Variants in RBM26 observed in about 807,000 individuals in gnomAD.
RBM26 encodes RNA binding motif protein 26.
In RBM26, 30 loss-of-function variants were observed where a neutral mutation model predicts 123.6. The observed-to-expected ratio is 0.24, with a 90% CI of 0.18 to 0.33. The LOEUF is 0.33. Ranked by LOEUF, RBM26 falls within the 10% of genes least tolerant of loss-of-function variation. The pLI is 1.00. For synonymous variants in RBM26, 400 were observed against 404.4 expected (o/e 0.99, Z 0.13); for missense variants, 947 against 1,203.6 (o/e 0.79, Z 3.15).
At chr13:79,337,722 T>C (rs1049318202) in intron 18 of RBM26, among the ~76,000 whole-genome samples, 5 of 152,352 alleles carry the variant, frequency 3.3e-5, no homozygotes, top group Admixed American at 2.0e-4. Context: ...TTGACTTCAA[T>C]AGGTACAGTT....
intron 20 of RBM26, among the ~76,000 whole-genome samples, chr13:79,332,035 T>C (rs1278457478): frequency 6.6e-6 from 1 of 152,242 alleles, no homozygotes; most frequent in East Asian, 1.9e-4. Flanking sequence ...TTTTCAGTTA[T>C]ATCTGAATGT....
intron 1 of RBM26, among the ~76,000 whole-genome samples, chr13:79,391,304 A>G (rs1158409403): frequency 2.6e-5 from 4 of 152,222 alleles, no homozygotes; most frequent in Admixed American, 1.3e-4. Context: ...TTTCGCTATA[A>G]TATCACTGGC....
At position 79,365,810 on chromosome 13, in the gene RBM26, CAT is replaced by C. The variant is rs1473133576; in HGVS notation, c.1277-94_1277-93del. 2.0e-5 allele frequency: 23 copies of C among 1,144,856 alleles called. No individual in the cohort carries two copies. In the African/African-American group the frequency reaches 2.0e-4, roughly 10 times the overall value. 70.9% of individuals were successfully genotyped at this position (1,144,856 alleles called of 1,614,324 possible). A position where few individuals can be genotyped will look rare whatever the true frequency, so the allele number is the denominator to read the frequency against. Reference sequence around the variant, plus strand: ...ATAAGAGAAAAAGTAAACAATATAACATATTAACATATAACATGCTCTATATG... The same window carrying C: ...ATAAGAGAAAAAGTAAACAATATAACATTAACATATAACATGCTCTATATG... On this transcript the variant is annotated intron_variant, in intron 8 of 21. Coordinates refer to ENST00000438737, the MANE Select transcript of RBM26 (RefSeq NM_001366735.2).
At chr13:79,355,157 G>T in intron 12 of RBM26, 63 bp downstream of exon 12, 1 of 1,484,600 alleles carries the variant, frequency 6.7e-7, no homozygotes, top group Non-Finnish European at 9.3e-7. Flanking sequence ...GCCTCTACTC[G>T]TAAACGCTAT....
intron 3 of RBM26, among the ~76,000 whole-genome samples, chr13:79,374,142 C>T (rs2076425694): frequency 6.6e-6 from 1 of 151,998 alleles, no homozygotes; most frequent in South Asian, 2.1e-4. Flanking sequence ...GCTGTTCCAG[C>T]ATCCTTTTGA....
intron 5 of RBM26, among the ~76,000 whole-genome samples, chr13:79,369,529 C>T (rs1161460721): frequency 6.6e-6 from 1 of 152,004 alleles, no homozygotes; most frequent in Non-Finnish European, 1.5e-5. Context: ...TCCATGAAGC[C>T]TTGTATACCT....
intron 14 of RBM26, among the ~76,000 whole-genome samples, chr13:79,352,309 C>G (rs1298057625): frequency 2.0e-5 from 3 of 152,150 alleles, no homozygotes; most frequent in Non-Finnish European, 4.4e-5. Context: ...CTAGTTCTGG[C>G]TCAGTGACTC....
chr13:79,347,598 C>A (rs1410336), intron 14 of RBM26, among the ~76,000 whole-genome samples: 4 of 151,900 alleles, frequency 2.6e-5, no homozygotes, highest in Non-Finnish European at 1.5e-5. Context: ...TTTCTATATT[C>A]CAAATGCATT....
chr13:79,370,572 C>T (rs2140015794), intron 5 of RBM26, among the ~76,000 whole-genome samples: 1 of 152,302 alleles, frequency 6.6e-6, no homozygotes, highest in Non-Finnish European at 1.5e-5. Context: ...CCTGTGTGGA[C>T]ATACACTTTC....
chr13:79,330,287 G>T (rs550494945), intron 20 of RBM26, among the ~76,000 whole-genome samples: 2 of 152,196 alleles, frequency 1.3e-5, no homozygotes, highest in East Asian at 3.9e-4. Flanking sequence ...AAAGGTTAAA[G>T]ATCTAACAAA....
chr13:79,393,802 C>T (rs566131660), intron 1 of RBM26, among the ~76,000 whole-genome samples: 3 of 152,244 alleles, frequency 2.0e-5, no homozygotes, highest in East Asian at 1.9e-4. Context: ...AGGAGGCTCA[C>T]GAGAATGATA....
chr13:79,332,560 T>G (rs986445696), intron 20 of RBM26, among the ~76,000 whole-genome samples: 1 of 152,148 alleles, frequency 6.6e-6, no homozygotes, highest in Non-Finnish European at 1.5e-5. Context: ...TAACTAAAAA[T>G]CTAAACATTT....
chr13:79,405,091 G>C (rs2079409927), intron 1 of RBM26, among the ~76,000 whole-genome samples: 1 of 152,140 alleles, frequency 6.6e-6, no homozygotes, highest in African/African-American at 2.4e-5. Flanking sequence ...TCTATCTATA[G>C]CATCCCACTT....
chr13:79,320,777 A>C lies in RBM26; in HGVS notation c.2935-67T>G, dbSNP rs2067577864. ...AAAAAGAAAAGAAAAAAAAGGTGACACTTTTAAATACTCATCTCTCTCAAC... is the reference window on the plus strand; with the variant it reads ...AAAAAGAAAAGAAAAAAAAGGTGACCCTTTTAAATACTCATCTCTCTCAAC... On this transcript the variant is annotated intron_variant, in intron 21 of 21. Coordinates refer to ENST00000438737, the MANE Select transcript of RBM26 (RefSeq NM_001366735.2). 5 of 1,342,372 alleles carry C rather than the reference A, an allele frequency of 3.7e-6. No homozygotes were observed. The South Asian group carries it at 7.6e-5, about 20-fold the overall frequency. 83.2% of individuals were successfully genotyped at this position (1,342,372 alleles called of 1,614,324 possible). A position where few individuals can be genotyped will look rare whatever the true frequency, so the allele number is the denominator to read the frequency against.
intron 1 of RBM26, among the ~76,000 whole-genome samples, chr13:79,397,959 C>G (rs1464175746): frequency 6.6e-6 from 1 of 152,036 alleles, no homozygotes; most frequent in Non-Finnish European, 1.5e-5. Flanking sequence ...TAAAATATCT[C>G]AAGAAGAATC....
At chr13:79,356,713 T>C (rs1242311410) in intron 11 of RBM26, among the ~76,000 whole-genome samples, 4 of 152,188 alleles carry the variant, frequency 2.6e-5, no homozygotes, top group Non-Finnish European at 5.9e-5. Flanking sequence ...TAAAGAGTTT[T>C]GAAAATTGAT....
At chr13:79,390,595 TTAAAA>T (rs2077879139) in intron 1 of RBM26, among the ~76,000 whole-genome samples, 1 of 152,196 alleles carries the variant, frequency 6.6e-6, no homozygotes, top group East Asian at 1.9e-4. Flanking sequence ...TATTCTAAAA[TTAAAA>T]TAAAACTAAA....
chr13:79,349,253 T>C (rs1417345242), intron 14 of RBM26, among the ~76,000 whole-genome samples: 1 of 152,210 alleles, frequency 6.6e-6, no homozygotes, highest in African/African-American at 2.4e-5. Context: ...TTATTAACTA[T>C]AGTCACCACG....
chr13:79,346,329 A>T, intron 14 of RBM26, among the ~76,000 whole-genome samples: 1 of 152,204 alleles, frequency 6.6e-6, no homozygotes, highest in Non-Finnish European at 1.5e-5. Context: ...AGTACAGCTG[A>T]TATTTAAAAA....
Sources: gnomAD v4.1 joint callset for allele counts (sites outside exome capture counted in the v4.1 genomes callset) on GRCh38, gnomAD v4.1.1 for gene constraint, MANE v1.5 for transcripts, NCBI Gene and HGNC (gene_info 2026-07-23, HGNC 2026-07-21) for gene names.